DUSP15: variants seen among roughly 807,000 people sequenced by gnomAD.
DUSP15 encodes the protein dual specificity protein phosphatase 15.
In DUSP15, 23 loss-of-function variants were observed where a neutral mutation model predicts 26.3. That is an observed-to-expected ratio of 0.87 (90% CI 0.63 to 1.24). The LOEUF is 1.24. Among genes scored for constraint, DUSP15 ranks in the 50% most tolerant of loss-of-function variants. DUSP15 has a pLI of 0.00. For synonymous variants in DUSP15, 143 were observed against 135.5 expected, an observed-to-expected ratio of 1.06 and a Z score of -0.39; for missense variants, 364 against 320.6, an observed-to-expected ratio of 1.14 and a Z score of -1.03.
intron 2 of DUSP15, 98 bp downstream of exon 2, chr20:31,869,466 C>T (rs2062863410): frequency 1.3e-6 from 2 of 1,501,116 alleles, no homozygotes; most frequent in South Asian, 1.2e-5. Context: ...CTGCCCCCAA[C>T]CCCATTCCTG....
intron 3 of DUSP15, among the ~76,000 whole-genome samples, chr20:31,865,277 C>G (rs535572816): frequency 6.6e-6 from 1 of 152,152 alleles, no homozygotes; most frequent in Non-Finnish European, 1.5e-5. Flanking sequence ...GACCCAGGAA[C>G]CTTTATCAAG....
chr20:31,848,962 G>A, intron 8 of DUSP15: 6 of 1,385,600 alleles, frequency 4.3e-6, no homozygotes, highest in Non-Finnish European at 2.0e-6. Flanking sequence ...CAAGAACTAG[G>A]CAACCCACTG....
intron 6 of DUSP15, among the ~76,000 whole-genome samples, chr20:31,854,195 A>T (rs6089100): frequency 0.14 from 20,989 of 151,076 alleles, 1,728 homozygotes; most frequent in Non-Finnish European, 0.18. Flanking sequence ...TAACTGATGA[A>T]TTGCACTCAA....
chr20:31,848,840 G>A (rs558952024), exon 9 of DUSP15: 1 of 1,612,310 alleles, frequency 6.2e-7, no homozygotes, highest in East Asian at 2.2e-5. Flanking sequence ...GGGGTGCTGT[G>A]TGGGGCCCGG....
Position 31,861,123 on chromosome 20 carries a change from C to A in DUSP15, c.*280G>T. The A allele has an allele frequency of 7.6e-7, 1 of 1,309,130 alleles. No homozygotes were observed. Among genetic ancestry groups the A allele is most frequent in the Non-Finnish European group, 9.7e-7 (1 of 1,033,944 alleles). 81.1% of individuals were successfully genotyped at this position (1,309,130 alleles called of 1,614,324 possible). A position where few individuals can be genotyped will look rare whatever the true frequency, so the allele number is the denominator to read the frequency against. On this transcript the variant is annotated 3_prime_UTR_variant, in exon 7 of 7. Transcript: ENST00000339738. ...CCCTCCAGGCCCGTCAAACCCTCCA[C>A]TCTCCCTCCCTCCCCTCCCGCCGCC... is the stretch of plus-strand genomic sequence containing the variant.
At chr20:31,866,919 G>A (rs1253317576) in intron 3 of DUSP15, 152 bp downstream of exon 3, 1 of 733,428 alleles carries the variant, frequency 1.4e-6, no homozygotes, top group African/African-American at 1.8e-5. Context: ...CTGCCAAATA[G>A]GGATGATAAT....
Position 31,861,616 on chromosome 20 carries a change from C to T in DUSP15, c.495G>A (p.Leu165=), listed in dbSNP as rs764786243. 17 of 1,398,132 alleles carry T rather than the reference C, an allele frequency of 1.2e-5. No individual in the cohort carries two copies. The highest frequency in any genetic ancestry group is 2.5e-5 in the South Asian group (2 of 78,812). The allele number at this position is 1,398,132 out of a possible 1,614,324, so 86.6% of individuals were successfully genotyped here. The part of the protein sequence containing the change: ...GESPFRDEEE[L]RALLPLCKRC... ...GCTTGCACAGCGGCAGCAGCGCGCG[C>T]AACTCCTCCTCGTCGCGGAAGGGGC... Residue 165 remains leucine (L), a synonymous_variant, in exon 7 of 7, where the codon TTG becomes TTA. Transcript: ENST00000339738.
intron 2 of DUSP15, among the ~76,000 whole-genome samples, chr20:31,868,233 C>T (rs543239198): frequency 5.9e-5 from 9 of 152,296 alleles, no homozygotes; most frequent in East Asian, 5.8e-4. Flanking sequence ...CTTATGGGGC[C>T]TGCACACTTA....
At chr20:31,860,055 G>A (rs1402215575), downstream of DUSP15, among the ~76,000 whole-genome samples, 2 of 152,206 alleles carry the variant, frequency 1.3e-5, no homozygotes, top group East Asian at 3.8e-4. Context: ...CTCACCACCT[G>A]ACATATTTTT....
Position 31,869,553 on chromosome 20 carries a change from G to T in DUSP15, c.55+11C>A. 1 of 1,611,588 alleles carries T rather than the reference G, an allele frequency of 6.2e-7. No homozygotes were observed. Among genetic ancestry groups the T allele is most frequent in the Non-Finnish European group, 8.5e-7 (1 of 1,179,018 alleles). The stretch of plus-strand genomic sequence containing the variant: ...GTGCCATGGCCTCGGGACAGAGTGG[G>T]CAGTGCTCACCAATGAAGTTTCCGA... On this transcript the variant is annotated intron_variant, in intron 2 of 6. Coordinates refer to ENST00000339738, the MANE Select transcript of DUSP15 (RefSeq NM_080611.5).
chr20:31,849,036 G>T, intron 8 of DUSP15: 1 of 708,218 alleles, frequency 1.4e-6, no homozygotes. Context: ...TTGTGTGCCT[G>T]TACCCTAGGC....
downstream of DUSP15, among the ~76,000 whole-genome samples, chr20:31,846,015 C>G (rs898789584): frequency 6.6e-6 from 1 of 151,990 alleles, no homozygotes; most frequent in Admixed American, 6.6e-5. Flanking sequence ...GCAGACACAA[C>G]GGACAGAGAC....
At chr20:31,846,086 A>G (rs1600421930), downstream of DUSP15, among the ~76,000 whole-genome samples, 1 of 150,594 alleles carries the variant, frequency 6.6e-6, no homozygotes, top group African/African-American at 2.5e-5. Flanking sequence ...AGACACACAG[A>G]GACACACAGA....
intron 2 of DUSP15, among the ~76,000 whole-genome samples, chr20:31,868,772 G>A (rs373970561): frequency 4.6e-5 from 7 of 152,134 alleles, no homozygotes; most frequent in Non-Finnish European, 8.8e-5. Context: ...GAGCCACTGC[G>A]CCCAGCCCCC....
At chr20:31,849,218 C>T (rs905817822) in intron 8 of DUSP15, among the ~76,000 whole-genome samples, 2 of 152,054 alleles carry the variant, frequency 1.3e-5, no homozygotes, top group African/African-American at 4.8e-5. Context: ...CACCTTATGC[C>T]CTAAGCCAAC....
intron 2 of DUSP15, among the ~76,000 whole-genome samples, chr20:31,869,102 G>A (rs559751802): frequency 6.6e-6 from 1 of 152,166 alleles, no homozygotes; most frequent in African/African-American, 2.4e-5. Flanking sequence ...AGGAAGTTAT[G>A]GGGGGAAGAG....
At chr20:31,845,883 AAAAC>A (rs2062372069), downstream of DUSP15, among the ~76,000 whole-genome samples, 1 of 152,200 alleles carries the variant, frequency 6.6e-6, no homozygotes, top group South Asian at 2.1e-4. Context: ...GACAGAGACA[AAAAC>A]AAAATGAGAC....
At chr20:31,845,664 A>G (rs1232493963), downstream of DUSP15, 18 of 1,223,772 alleles carry the variant, frequency 1.5e-5, no homozygotes, top group Non-Finnish European at 2.0e-5. Flanking sequence ...CAGCCTGGAA[A>G]GGCAAAAAGG....
At chr20:31,853,542 C>G (rs2062509684) in intron 6 of DUSP15, among the ~76,000 whole-genome samples, 1 of 151,872 alleles carries the variant, frequency 6.6e-6, no homozygotes, top group Admixed American at 6.5e-5. Context: ...TAAAAATTAG[C>G]CAGGTGTGGT....
Sources: allele counts gnomAD v4.1 joint callset (sites outside exome capture counted in the v4.1 genomes callset), GRCh38; gene constraint gnomAD v4.1.1; transcripts MANE v1.5; gene names NCBI Gene and HGNC (gene_info 2026-07-23, HGNC 2026-07-21).